Variants in NIN observed in about 807,000 individuals in gnomAD.
NIN encodes the protein glycogen synthase kinase 3 beta-interacting protein.
NIN carries 137 observed loss-of-function variants against 257.6 expected under a neutral mutation model. That is an observed-to-expected ratio of 0.53 (90% CI 0.46 to 0.61). NIN has a LOEUF of 0.61. Ranked by LOEUF, NIN falls within the 20% of genes least tolerant of loss-of-function variation. The pLI is 0.00. For missense variants in NIN, 2,439 were observed against 2,501.2 expected (o/e 0.98, Z 0.53); for synonymous variants, 918 against 919.8 (o/e 1.00, Z 0.04).
chr14:50,754,662 T>TG (rs1265302911), intron 19 of NIN, 30 bp from the exon 20 acceptor site: 3 of 1,595,136 alleles, frequency 1.9e-6, no homozygotes, highest in Non-Finnish European at 2.6e-6. Flanking sequence ...TAAAATTTAA[T>TG]GGTTAGGCTT....
intron 25 of NIN, 73 bp downstream of exon 25, chr14:50,741,506 AAAT>A (rs2041279612): frequency 8.5e-7 from 1 of 1,173,926 alleles, no homozygotes; most frequent in Non-Finnish European, 1.1e-6. Flanking sequence ...ATACACATAA[AAAT>A]AACCAAGTTG....
Position 50,764,250 on chromosome 14 carries a change from G to A in NIN, c.1636-286C>T, listed in dbSNP as rs542545777. Among the ~76,000 whole-genome samples the A allele has an allele frequency of 3.3e-5, 5 of 152,086 alleles. No individual in the cohort carries two copies. The East Asian group carries it at 5.8e-4, about 18-fold the overall frequency. Reference sequence around the variant, plus strand: ...ATATACAGATGACTAATACATACATGTAAAAGATATTCAATATCATTACCT... The same window carrying A: ...ATATACAGATGACTAATACATACATATAAAAGATATTCAATATCATTACCT... On this transcript the variant is annotated intron_variant, in intron 14 of 30. Coordinates refer to ENST00000530997, the MANE Select transcript of NIN (RefSeq NM_020921.4).
At chr14:50,764,896 CACAATTCTGTCAAT>C (rs2042413816) in intron 14 of NIN, among the ~76,000 whole-genome samples, 1 of 151,754 alleles carries the variant, frequency 6.6e-6, no homozygotes, top group African/African-American at 2.4e-5. Flanking sequence ...GTGATGTTTG[CACAATTCTGTCAAT>C]ACAATAAAAG....
At chr14:50,775,807 C>T (rs113531154) in intron 7 of NIN, among the ~76,000 whole-genome samples, 1 of 152,030 alleles carries the variant, frequency 6.6e-6, no homozygotes, top group East Asian at 1.9e-4. Context: ...ACATATTGCA[C>T]TGATTTACAA....
At chr14:50,823,362 T>G (rs1388719593) in intron 2 of NIN, 1 of 520,046 alleles carries the variant, frequency 1.9e-6, no homozygotes, top group African/African-American at 2.0e-5. Context: ...CAGCTTTCAC[T>G]AACCAAGCAT....
chr14:50,723,337 G>A lies in NIN; in HGVS notation c.*126C>T. 1.4e-6 allele frequency: 1 copy of A among 709,290 alleles called. No individual in the cohort carries two copies. Among genetic ancestry groups the A allele is most frequent in the Non-Finnish European group, 2.3e-6 (1 of 431,518 alleles). The allele number at this position is 709,290 out of a possible 1,614,324, so 43.9% of individuals were successfully genotyped here. On this transcript the variant is annotated 3_prime_UTR_variant, in exon 31 of 31. Transcript: ENST00000530997. ...GGGTCTATTTAGAAAAACTAATTAT[G>A]ATAAATGGAAACTCCAGTTGTGTTG...
chr14:50,804,988 C>T (rs1413240092), intron 4 of NIN, among the ~76,000 whole-genome samples: 1 of 152,230 alleles, frequency 6.6e-6, no homozygotes, highest in Non-Finnish European at 1.5e-5. Context: ...GGACCCTTCA[C>T]ATCTGTAGTC....
At chr14:50,747,456 G>A (rs570959879) in intron 22 of NIN, among the ~76,000 whole-genome samples, 34 of 152,296 alleles carry the variant, frequency 2.2e-4, no homozygotes, top group African/African-American at 7.7e-4. Context: ...AGAGTGGGCC[G>A]GATGCAGTGG....
intron 5 of NIN, among the ~76,000 whole-genome samples, chr14:50,791,713 C>A (rs1233489682): frequency 6.6e-6 from 1 of 151,980 alleles, no homozygotes; most frequent in Non-Finnish European, 1.5e-5. Flanking sequence ...CACTGGATGT[C>A]TGATTGCTGG....
At chr14:50,744,460 A>G in intron 22 of NIN, 95 bp from the exon 23 acceptor site, 3 of 1,316,930 alleles carry the variant, frequency 2.3e-6, no homozygotes, top group Non-Finnish European at 3.2e-6. Context: ...AGCTGCTGCT[A>G]TTTGCCTATC....
chr14:50,725,532 A>AT (rs1052973421), intron 30 of NIN, among the ~76,000 whole-genome samples: 20 of 151,858 alleles, frequency 1.3e-4, no homozygotes, highest in South Asian at 2.1e-4. Context: ...TTATCCCCCT[A>AT]TTTTTTTAAC....
At chr14:50,808,492 C>T (rs1044007105) in intron 3 of NIN, among the ~76,000 whole-genome samples, 2 of 152,230 alleles carry the variant, frequency 1.3e-5, no homozygotes, top group Non-Finnish European at 2.9e-5. Context: ...CTAACCCTAG[C>T]TCTTCCTTCA....
intron 7 of NIN, among the ~76,000 whole-genome samples, chr14:50,773,952 C>G (rs1016322972): frequency 2.0e-5 from 3 of 152,154 alleles, no homozygotes; most frequent in African/African-American, 7.2e-5. Context: ...AAAGGCAAAG[C>G]CCTCCCACTA....
intron 3 of NIN, among the ~76,000 whole-genome samples, chr14:50,811,854 C>T (rs538638883): frequency 4.0e-5 from 6 of 151,890 alleles, no homozygotes; most frequent in South Asian, 2.1e-4. Flanking sequence ...ATTAGCCAGG[C>T]GTGGTGGCGG....
Position 50,761,835 on chromosome 14 carries a change from T to A in NIN, c.1851A>T (p.Gln617His), listed in dbSNP as rs550764881. 1.4e-5 allele frequency: 22 copies of A among 1,614,224 alleles called. No homozygotes were observed. In the East Asian group the frequency reaches 3.3e-4, roughly 25 times the overall value. Reference sequence around the variant, plus strand: ...TGAGGCAACATATGTCCCTGTGATGTTGTTCTTTCATCTGTTCAATGACCA... The same window carrying A: ...TGAGGCAACATATGTCCCTGTGATGATGTTCTTTCATCTGTTCAATGACCA... Reference protein sequence around the residue: ...AELVIEQMKEQHHRDICCLRL... With the variant: ...AELVIEQMKEHHHRDICCLRL... Residue 617 changes from glutamine (Q) to histidine (H), a missense_variant, in exon 16 of 31, where the codon CAA (glutamine) becomes CAT (histidine). Transcript: ENST00000530997.
In NIN at chr14:50,752,475, G is replaced by C. The variant is rs1201722328; in HGVS notation, c.4950+43C>G. The C allele has an allele frequency of 2.9e-6, 4 of 1,392,146 alleles. No individual in the cohort carries two copies. In the Admixed American group the frequency reaches 7.5e-5, roughly 26 times the overall value. The allele number at this position is 1,392,146 out of a possible 1,614,324, so 86.2% of individuals were successfully genotyped here. A position where few individuals can be genotyped will look rare whatever the true frequency, so the allele number is the denominator to read the frequency against. On this transcript the variant is annotated intron_variant, in intron 21 of 30. Transcript: ENST00000530997. Reference sequence around the variant, plus strand: ...AATACAAACATTTCTTCTATTTCTTGGGATTTCCTCAAAAAAAGCTGTCAG... The same window carrying C: ...AATACAAACATTTCTTCTATTTCTTCGGATTTCCTCAAAAAAAGCTGTCAG...
rs540692309 is a variant in NIN at position 50,721,724 on chromosome 14, A to C, written c.*1739T>G. 3.2e-5 allele frequency: 7 copies of C among 220,376 alleles called. No homozygotes were observed. The South Asian group carries it at 5.5e-4, about 17-fold the overall frequency. The allele number at this position is 220,376 out of a possible 1,614,324, so 13.7% of individuals were successfully genotyped here. On this transcript the variant is annotated 3_prime_UTR_variant, in exon 31 of 31. Transcript: ENST00000530997. ...TTAACTCTTTATCCAGGGGGAACTC[A>C]GGGCTTTCTGACAAGAGCTGTGCAA... is the stretch of plus-strand genomic sequence containing the variant.
At chr14:50,797,894 T>C (rs1177771944) in intron 4 of NIN, among the ~76,000 whole-genome samples, 1 of 146,062 alleles carries the variant, frequency 6.8e-6, no homozygotes, top group Non-Finnish European at 1.5e-5. Context: ...GATATAGATG[T>C]GGGAAGACCA....
At chr14:50,748,564 T>C (rs142077672) in intron 21 of NIN, among the ~76,000 whole-genome samples, 549 of 152,312 alleles carry the variant, frequency 3.6e-3, no homozygotes, top group Non-Finnish European at 5.6e-3. Context: ...ATTGTGTATT[T>C]AGAAAACCCC....
Sources: gnomAD v4.1 joint callset for allele counts (sites outside exome capture counted in the v4.1 genomes callset) on GRCh38, gnomAD v4.1.1 for gene constraint, MANE v1.5 for transcripts, NCBI Gene and HGNC (gene_info 2026-07-23, HGNC 2026-07-21) for gene names.